Variants in HAGH observed in about 807,000 individuals in gnomAD.
HAGH encodes hydroxyacylglutathione hydrolase, also known as hydroxyacylglutathione hydrolase, mitochondrial.
A neutral mutation model predicts 35.1 loss-of-function variants in HAGH; 29 were observed. That is an observed-to-expected ratio of 0.83 (90% CI 0.62 to 1.13). The LOEUF (loss-of-function observed/expected upper bound fraction) is 1.13. Among genes scored for constraint, HAGH ranks in the 50% most tolerant of loss-of-function variants. The probability of loss-of-function intolerance (pLI) is 0.00; values close to 1 mark genes in which losing one functional copy is unlikely to be tolerated. For synonymous variants in HAGH, 225 were observed against 176.1 expected (o/e 1.28, Z -2.20); for missense variants, 478 against 419.6 (o/e 1.14, Z -1.22).
intron 7 of HAGH, among the ~76,000 whole-genome samples, chr16:1,814,728 C>G (rs1233533805): frequency 6.6e-6 from 1 of 151,634 alleles, no homozygotes. Context: ...TGAAACCCAT[C>G]TCTACTAAAA....
Position 1,817,190 on chromosome 16 carries a change from A to C in HAGH, c.623T>G (p.Leu208Trp). 1 of 1,611,834 alleles carries C rather than the reference A, an allele frequency of 6.2e-7. No homozygotes were observed. Among genetic ancestry groups the C allele is most frequent in the South Asian group, 1.1e-5 (1 of 91,038 alleles). ...DEMCKALLEV[L>W]GRLPPDTRVY... ...TACTGTGTCCGGGGGGAGCCGGCCCAAGACCTCCAGCAGAGCTTTACACAT... is the reference window on the plus strand; with the variant it reads ...TACTGTGTCCGGGGGGAGCCGGCCCCAGACCTCCAGCAGAGCTTTACACAT... Residue 208 changes from leucine to tryptophan, a missense_variant, in exon 6 of 9, where the codon TTG (leucine) becomes TGG (tryptophan). Physicochemically the swap from Leu to Trp is moderately conservative, Grantham distance 61. Transcript: ENST00000397356.
intron 7 of HAGH, among the ~76,000 whole-genome samples, chr16:1,811,705 G>T (rs1359305762): frequency 6.6e-6 from 1 of 152,024 alleles, no homozygotes. Context: ...GACAGAGTGA[G>T]ACTCTGCCTC....
chr16:1,809,274 A>G lies in HAGH; in HGVS notation c.*9T>C. ...TAATCCCCAAATCCGCTGAAGGTGC[A>G]GGGCGGCCTCAGTCCCGGGGCATCT... On this transcript the variant is annotated 3_prime_UTR_variant, in exon 9 of 9. Coordinates refer to ENST00000397356, the MANE Select transcript of HAGH (RefSeq NM_005326.6). 1 of 1,581,022 alleles carries G rather than the reference A, an allele frequency of 6.3e-7. No homozygotes were observed. The highest frequency in any genetic ancestry group is 1.1e-5 in the South Asian group (1 of 89,564).
At chr16:1,815,095 G>T (rs1210668731) in intron 7 of HAGH, among the ~76,000 whole-genome samples, 1 of 143,400 alleles carries the variant, frequency 7.0e-6, no homozygotes, top group Non-Finnish European at 1.5e-5. Context: ...TCCAAAGGCC[G>T]ACACACATGA....
intron 1 of HAGH, among the ~76,000 whole-genome samples, chr16:1,824,541 C>A (rs768468593): frequency 2.0e-4 from 30 of 151,772 alleles, no homozygotes; most frequent in Non-Finnish European, 3.2e-4. Context: ...TTCAGTTCCG[C>A]TCTACACGGG....
At chr16:1,825,321 C>G (rs1481066811) in intron 1 of HAGH, among the ~76,000 whole-genome samples, 1 of 152,110 alleles carries the variant, frequency 6.6e-6, no homozygotes, top group Non-Finnish European at 1.5e-5. Flanking sequence ...AACTGGTGCT[C>G]AGCCTCCCCT....
intron 7 of HAGH, among the ~76,000 whole-genome samples, chr16:1,816,675 C>T (rs549666743): frequency 7.9e-5 from 12 of 152,364 alleles, no homozygotes; most frequent in East Asian, 1.9e-4. Flanking sequence ...TTTTTACACA[C>T]GCAGCGTCTG....
chr16:1,807,726 A>C lies in HAGH; in HGVS notation c.*1557T>G, dbSNP rs980491018. 6.6e-6 allele frequency: 1 copy of C among 152,268 alleles called. No individual in the cohort carries two copies. The highest frequency in any genetic ancestry group is 2.4e-5 in the African/African-American group (1 of 41,456). 9.4% of individuals were successfully genotyped at this position (152,268 alleles called of 1,614,324 possible). ...GCTGGGGCGGGGGTAGTGGGAGAAG[A>C]AAGCCGGAGAAGCAGTCTGCCCTGC... is the stretch of plus-strand genomic sequence containing the variant. On this transcript the variant is annotated 3_prime_UTR_variant, in exon 9 of 9. Transcript: ENST00000397356.
At chr16:1,822,248 G>A (rs373658915) in intron 3 of HAGH, 52 bp downstream of exon 3, 763 of 1,226,550 alleles carry the variant, frequency 6.2e-4, no homozygotes, top group Non-Finnish European at 7.7e-4. Flanking sequence ...TAAACCCACC[G>A]GGGCGAGAAG....
intron 1 of HAGH, among the ~76,000 whole-genome samples, chr16:1,825,084 C>T (rs2142053993): frequency 6.6e-6 from 1 of 152,300 alleles, no homozygotes; most frequent in African/African-American, 2.4e-5. Flanking sequence ...TTTGGGAGGC[C>T]GAGGCGGGCG....
At position 1,822,379 on chromosome 16, in the gene HAGH, G is replaced by A. The variant is rs1898194416; in HGVS notation, c.250-15C>T. The A allele has an allele frequency of 6.2e-7, 1 of 1,601,402 alleles. No homozygotes were observed. The highest frequency in any genetic ancestry group is 8.5e-7 in the Non-Finnish European group (1 of 1,171,140). ...GCGTCCACGACCTGCAGTGGCCCCG[G>A]GGAAGGACAAAGGCCTGTCACACTC... On this transcript the variant is annotated splice_polypyrimidine_tract_variant and intron_variant, in intron 2 of 8. Coordinates refer to ENST00000397356, the MANE Select transcript of HAGH (RefSeq NM_005326.6).
At chr16:1,825,225 G>A (rs947613746) in intron 1 of HAGH, among the ~76,000 whole-genome samples, 12 of 152,192 alleles carry the variant, frequency 7.9e-5, no homozygotes, top group Non-Finnish European at 2.9e-5. Flanking sequence ...GGCTGAGGCA[G>A]GAGACTCGCT....
chr16:1,818,843 C>T, intron 5 of HAGH: 1 of 462,034 alleles, frequency 2.2e-6, no homozygotes, highest in Non-Finnish European at 3.9e-6. Flanking sequence ...GAAACTGACT[C>T]CTTTCCCGTG....
chr16:1,826,468 C>T lies in HAGH; in HGVS notation c.76+244G>A, dbSNP rs563592540. On this transcript the variant is annotated intron_variant, in intron 1 of 8. Coordinates refer to ENST00000397356, the MANE Select transcript of HAGH (RefSeq NM_005326.6). ...AGGGGCGCGGCCGGCCCAGCCCGAG[C>T]GTGGAGGCCGCGGCGGACGCAGGCC... 42 of 763,144 alleles carry T rather than the reference C, an allele frequency of 5.5e-5. No homozygotes were observed. The East Asian group carries it at 4.6e-3, about 84-fold the overall frequency. The allele number at this position is 763,144 out of a possible 1,614,324, so 47.3% of individuals were successfully genotyped here. A position where few individuals can be genotyped will look rare whatever the true frequency, so the allele number is the denominator to read the frequency against.
In HAGH at chr16:1,818,754, C is replaced by T. The variant is rs577036026; in HGVS notation, c.541+361G>A. On this transcript the variant is annotated intron_variant, in intron 5 of 8. Coordinates refer to ENST00000397356, the MANE Select transcript of HAGH (RefSeq NM_005326.6). ...CTGGGAGGCAGGCAGGGCCCCCAGA[C>T]TAGCACAGGTCCCTGAGTCCACACT... The T allele has an allele frequency of 2.1e-4, 47 of 223,986 alleles. 1 individual carries two copies. The East Asian group carries it at 5.7e-3, about 27-fold the overall frequency. The allele number at this position is 223,986 out of a possible 1,614,324, so 13.9% of individuals were successfully genotyped here.
intron 7 of HAGH, among the ~76,000 whole-genome samples, chr16:1,816,329 C>T (rs533159681): frequency 6.6e-6 from 1 of 151,744 alleles, no homozygotes; most frequent in Non-Finnish European, 1.5e-5. Context: ...AAAAGATGCT[C>T]AAAAAACCGG....
intron 3 of HAGH, among the ~76,000 whole-genome samples, 197 bp from the exon 4 acceptor site, chr16:1,820,211 G>C (rs192271501): frequency 6.6e-6 from 1 of 151,846 alleles, no homozygotes; most frequent in South Asian, 2.1e-4. Flanking sequence ...CCAGGGTTCC[G>C]AGCGTGGGGG....
intron 7 of HAGH, among the ~76,000 whole-genome samples, chr16:1,811,105 C>A (rs1236382509): frequency 6.6e-6 from 1 of 152,170 alleles, no homozygotes; most frequent in Non-Finnish European, 1.5e-5. Flanking sequence ...AAGTACGAAG[C>A]ATTTAAAGAC....
intron 1 of HAGH, among the ~76,000 whole-genome samples, chr16:1,825,137 T>C (rs1237721621): frequency 7.1e-5 from 5 of 70,638 alleles, no homozygotes; most frequent in Non-Finnish European, 1.8e-4. Flanking sequence ...ACCAATATGG[T>C]GAAACCCTGT....
Sources: gnomAD v4.1 joint callset for allele counts (sites outside exome capture counted in the v4.1 genomes callset) on GRCh38, gnomAD v4.1.1 for gene constraint, MANE v1.5 for transcripts, NCBI Gene and HGNC (gene_info 2026-07-23, HGNC 2026-07-21) for gene names.